The following CACNA2D1 variants were observed in gnomAD, a reference collection of about 807,000 sequenced individuals.
CACNA2D1 encodes the protein calcium voltage-gated channel auxiliary subunit alpha2delta 1.
In CACNA2D1, 53 loss-of-function variants were observed where a neutral mutation model predicts 171.5. The ratio of observed to expected loss-of-function variants is 0.31; its 90% CI spans 0.25 to 0.39. The LOEUF is 0.39. Ranked by LOEUF, CACNA2D1 falls within the 10% of genes least tolerant of loss-of-function variation. CACNA2D1 has a pLI of 1.00. For missense variants in CACNA2D1, 903 were observed against 1,299.8 expected (o/e 0.69, Z 4.69); for synonymous variants, 442 against 443.1 (o/e 1.00, Z 0.03).
intron 3 of CACNA2D1, among the ~76,000 whole-genome samples, chr7:82,212,253 A>G (rs901102665): frequency 4.6e-5 from 7 of 152,204 alleles, no homozygotes; most frequent in Non-Finnish European, 8.8e-5. Flanking sequence ...AATTAAAAAT[A>G]TGGGATACCT....
At chr7:82,133,472 C>A (rs1791244709) in intron 5 of CACNA2D1, among the ~76,000 whole-genome samples, 3 of 152,278 alleles carry the variant, frequency 2.0e-5, no homozygotes, top group Admixed American at 2.0e-4. Flanking sequence ...TGTCTCTGTA[C>A]CTTAATGATG....
intron 21 of CACNA2D1, among the ~76,000 whole-genome samples, chr7:81,989,524 CA>C (rs552388201): frequency 5.5e-4 from 83 of 152,212 alleles, no homozygotes; most frequent in Non-Finnish European, 5.9e-5. Context: ...AATGATGAGA[CA>C]GTATTACAGG....
intron 12 of CACNA2D1, among the ~76,000 whole-genome samples, chr7:82,016,409 T>A (rs1274305196): frequency 6.6e-6 from 1 of 152,142 alleles, no homozygotes; most frequent in Non-Finnish European, 1.5e-5. Context: ...AAGTTCCTGT[T>A]ACCACAACAA....
At chr7:82,261,799 G>A (rs1158442780) in intron 3 of CACNA2D1, among the ~76,000 whole-genome samples, 1 of 151,980 alleles carries the variant, frequency 6.6e-6, no homozygotes, top group South Asian at 2.1e-4. Flanking sequence ...GTTAAAATGG[G>A]TTCATCTTTC....
intron 19 of CACNA2D1, among the ~76,000 whole-genome samples, chr7:81,996,156 T>C (rs147181456): frequency 2.6e-4 from 40 of 152,280 alleles, no homozygotes; most frequent in Admixed American, 1.7e-3. Flanking sequence ...TATTATTTCA[T>C]TCAATCACTA....
At chr7:82,070,987 C>G (rs1416045280) in intron 7 of CACNA2D1, among the ~76,000 whole-genome samples, 1 of 152,006 alleles carries the variant, frequency 6.6e-6, no homozygotes, top group African/African-American at 2.4e-5. Context: ...AGAATTATTT[C>G]TAGACTAAAT....
intron 4 of CACNA2D1, among the ~76,000 whole-genome samples, chr7:82,140,674 G>C (rs1265284560): frequency 6.6e-6 from 1 of 151,904 alleles, no homozygotes; most frequent in Non-Finnish European, 1.5e-5. Context: ...AATTGCAATT[G>C]GCTGGGCGCG....
intron 7 of CACNA2D1, 115 bp from the exon 8 acceptor site, chr7:82,066,639 C>T: frequency 1.4e-6 from 2 of 1,405,446 alleles, no homozygotes; most frequent in Non-Finnish European, 1.9e-6. Context: ...TTACGTACTT[C>T]AATGTTCAAA....
chr7:82,266,641 C>T lies in CACNA2D1; in HGVS notation c.294+68494G>A, dbSNP rs1245765136. The stretch of plus-strand genomic sequence containing the variant: ...AAGCTATTCTCCTGCCTCAGCCTCC[C>T]GAGTAGGCAGGATTACAGGTACCTA... On this transcript the variant is annotated intron_variant, in intron 3 of 38. Transcript: ENST00000356860. 2.0e-5 allele frequency among the ~76,000 whole-genome samples: 3 copies of T among 151,948 alleles called. No homozygotes were observed. In the East Asian group the frequency reaches 5.8e-4, roughly 29 times the overall value.
chr7:82,042,123 A>G (rs1804035377), intron 10 of CACNA2D1, among the ~76,000 whole-genome samples: 1 of 152,200 alleles, frequency 6.6e-6, no homozygotes, highest in Admixed American at 6.5e-5. Context: ...TAATGTACAG[A>G]AAGGAATAAC....
In CACNA2D1 at chr7:81,994,826, G is replaced by T; in HGVS notation, c.1734+42C>A. 6 of 944,540 alleles carry T rather than the reference G, an allele frequency of 6.4e-6. No individual in the cohort carries two copies. In the East Asian group the frequency reaches 1.0e-4, roughly 16 times the overall value. 58.5% of individuals were successfully genotyped at this position (944,540 alleles called of 1,614,324 possible). A position where few individuals can be genotyped will look rare whatever the true frequency, so the allele number is the denominator to read the frequency against. Reference sequence around the variant, plus strand: ...CAAGTTACCAATATCAATTATTCTTGATATAATTTTTATTTAAGAATAAGC... The same window carrying T: ...CAAGTTACCAATATCAATTATTCTTTATATAATTTTTATTTAAGAATAAGC... On this transcript the variant is annotated intron_variant, in intron 20 of 38. Coordinates refer to ENST00000356860, the MANE Select transcript of CACNA2D1 (RefSeq NM_000722.4).
chr7:82,081,540 G>C (rs930901645), intron 7 of CACNA2D1, among the ~76,000 whole-genome samples: 7 of 152,162 alleles, frequency 4.6e-5, no homozygotes, highest in African/African-American at 1.7e-4. Flanking sequence ...TGACCTTCCT[G>C]TAACAGGTAA....
chr7:82,076,018 G>GTT, intron 7 of CACNA2D1, among the ~76,000 whole-genome samples: 1 of 152,194 alleles, frequency 6.6e-6, no homozygotes, highest in South Asian at 2.1e-4. Flanking sequence ...TTACCAACCT[G>GTT]TTTACCTACT....
chr7:82,133,309 C>A (rs1487313989), intron 5 of CACNA2D1, among the ~76,000 whole-genome samples: 1 of 152,136 alleles, frequency 6.6e-6, no homozygotes, highest in Non-Finnish European at 1.5e-5. Context: ...GGCTCAGAAA[C>A]TTTCACAAGT....
chr7:82,091,406 T>C (rs543010209), intron 6 of CACNA2D1, among the ~76,000 whole-genome samples: 2 of 152,318 alleles, frequency 1.3e-5, no homozygotes, highest in South Asian at 2.1e-4. Context: ...CCTGTATTAC[T>C]GAGATTTCTG....
chr7:81,966,770 T>C (rs1403075094), intron 31 of CACNA2D1, among the ~76,000 whole-genome samples: 1 of 151,478 alleles, frequency 6.6e-6, no homozygotes, highest in Non-Finnish European at 1.5e-5. Context: ...TGTAACTATA[T>C]AATACAGTGT....
rs11365736 is a variant in CACNA2D1 at position 81,992,001 on chromosome 7, A to AT, written c.1735-756dup. 8.7e-3 allele frequency among the ~76,000 whole-genome samples: 1,215 copies of AT among 138,896 alleles called. 8 individuals carry two copies. The highest frequency in any genetic ancestry group is 0.038 in the East Asian group (179 of 4,722). 91.1% of individuals were successfully genotyped at this position (138,896 alleles called of 152,430 possible). A position where few individuals can be genotyped will look rare whatever the true frequency, so the allele number is the denominator to read the frequency against. Reference sequence around the variant, plus strand: ...AGGGGCCTGCCACCACGCCTGGCTCATTTTTTTTTTTTTTTGTATTTTTAG... The same window carrying AT: ...AGGGGCCTGCCACCACGCCTGGCTCATTTTTTTTTTTTTTTTGTATTTTTAG... On this transcript the variant is annotated intron_variant, in intron 20 of 38. Coordinates refer to ENST00000356860, the MANE Select transcript of CACNA2D1 (RefSeq NM_000722.4).
At position 81,964,250 on chromosome 7, in the gene CACNA2D1, C is replaced by A. The variant is rs1794471396; in HGVS notation, c.2684G>T (p.Gly895Val). The A allele has an allele frequency of 6.2e-7, 1 of 1,612,718 alleles. No homozygotes were observed. The highest frequency in any genetic ancestry group is 1.1e-5 in the South Asian group (1 of 91,068). Residue 895 changes from glycine (G) to valine (V), a missense_variant, in exon 33 of 39, where the codon GGT (glycine) becomes GTT (valine). By Grantham distance (109) the Gly-to-Val change is moderately radical. Transcript: ENST00000356860. Reference protein sequence around the residue: ...SYDYQSVCEPGAAPKQGAGHR... With the variant: ...SYDYQSVCEPVAAPKQGAGHR... ...TCCTGCTCCTTGTTTTGGTGCAGCACCGGGCTCACATACTGACTGATAATC... is the reference window on the plus strand; with the variant it reads ...TCCTGCTCCTTGTTTTGGTGCAGCAACGGGCTCACATACTGACTGATAATC...
intron 1 of CACNA2D1, among the ~76,000 whole-genome samples, chr7:82,353,631 A>C (rs904817806): frequency 6.6e-6 from 1 of 152,126 alleles, no homozygotes. Flanking sequence ...AACTAGAAAA[A>C]GGAATCCAAG....
Sources: gnomAD v4.1 joint callset for allele counts (sites outside exome capture counted in the v4.1 genomes callset) on GRCh38, gnomAD v4.1.1 for gene constraint, MANE v1.5 for transcripts, NCBI Gene and HGNC (gene_info 2026-07-23, HGNC 2026-07-21) for gene names.